Variants in TMEM163 observed in about 807,000 individuals in gnomAD.
TMEM163 encodes transmembrane protein 163.
A neutral mutation model predicts 29.3 loss-of-function variants in TMEM163; 17 were observed. The ratio of observed to expected loss-of-function variants is 0.58; its 90% CI spans 0.40 to 0.87. The LOEUF (loss-of-function observed/expected upper bound fraction) is 0.87. TMEM163 is among the 40% of genes least tolerant of loss of function. The pLI is 0.00. For missense variants in TMEM163, 303 were observed against 381.5 expected (o/e 0.79, Z 1.71); for synonymous variants, 157 against 160.6 (o/e 0.98, Z 0.17).
intron 2 of TMEM163, among the ~76,000 whole-genome samples, chr2:134,563,946 G>A (rs1681237177): frequency 6.6e-6 from 1 of 152,144 alleles, no homozygotes; most frequent in African/African-American, 2.4e-5. Flanking sequence ...CAGCTACTCG[G>A]GAGGCTGAGG....
At chr2:134,528,189 G>T (rs1226382829) in intron 4 of TMEM163, among the ~76,000 whole-genome samples, 1 of 152,120 alleles carries the variant, frequency 6.6e-6, no homozygotes, top group Non-Finnish European at 1.5e-5. Flanking sequence ...AAAAATCAGG[G>T]CAAACAGGAA....
intron 2 of TMEM163, among the ~76,000 whole-genome samples, chr2:134,659,343 C>G (rs1683696157): frequency 6.6e-6 from 1 of 152,150 alleles, no homozygotes; most frequent in Admixed American, 6.5e-5. Context: ...ATTAGGAAAA[C>G]AGGGTTTAAA....
At chr2:134,457,952 C>T in intron 7 of TMEM163, 80 bp downstream of exon 7, 1 of 1,597,368 alleles carries the variant, frequency 6.3e-7, no homozygotes, top group Non-Finnish European at 8.5e-7. Context: ...AGAAGCCTGT[C>T]ATTTCCTGAC....
chr2:134,538,203 C>T (rs989696765), intron 4 of TMEM163, among the ~76,000 whole-genome samples: 5 of 152,170 alleles, frequency 3.3e-5, no homozygotes. Flanking sequence ...GGCCAGAGCC[C>T]TCATGAATGG....
At chr2:134,661,250 C>T (rs565471723) in intron 2 of TMEM163, among the ~76,000 whole-genome samples, 38 of 152,292 alleles carry the variant, frequency 2.5e-4, no homozygotes, top group African/African-American at 8.7e-4. Context: ...AGAGGTCCTT[C>T]GCCAGATGCT....
intron 2 of TMEM163, among the ~76,000 whole-genome samples, chr2:134,671,881 GGAT>G: frequency 6.6e-6 from 1 of 152,138 alleles, no homozygotes; most frequent in East Asian, 1.9e-4. Flanking sequence ...CTGTAAAATG[GGAT>G]GATAAAAGCA....
At chr2:134,642,282 T>TC (rs1379798914) in intron 2 of TMEM163, among the ~76,000 whole-genome samples, 1 of 151,996 alleles carries the variant, frequency 6.6e-6, no homozygotes, top group African/African-American at 2.4e-5. Flanking sequence ...GCATGCACCA[T>TC]CATGCCCAGC....
chr2:134,648,969 T>C (rs1683402154), intron 2 of TMEM163, among the ~76,000 whole-genome samples: 1 of 152,186 alleles, frequency 6.6e-6, no homozygotes, highest in South Asian at 2.1e-4. Context: ...TAAGAAATCG[T>C]TATATATCCA....
At chr2:134,648,883 A>G (rs567757122) in intron 2 of TMEM163, among the ~76,000 whole-genome samples, 1 of 152,220 alleles carries the variant, frequency 6.6e-6, no homozygotes, top group Non-Finnish European at 1.5e-5. Flanking sequence ...AGAAGTAAAT[A>G]CTTCCCCAGG....
chr2:134,612,542 A>AACAC (rs3039625), intron 2 of TMEM163, among the ~76,000 whole-genome samples: 21,671 of 140,514 alleles, frequency 0.15, 2,541 homozygotes, highest in East Asian at 0.62. Flanking sequence ...GGTTTGCCCC[A>AACAC]ACACACACAC....
At chr2:134,658,966 A>G (rs1408376631) in intron 2 of TMEM163, among the ~76,000 whole-genome samples, 1 of 152,158 alleles carries the variant, frequency 6.6e-6, no homozygotes, top group Non-Finnish European at 1.5e-5. Context: ...TCTCTTAACA[A>G]CAGGGCTACA....
At chr2:134,588,095 T>C (rs1490148838) in intron 2 of TMEM163, among the ~76,000 whole-genome samples, 4 of 152,208 alleles carry the variant, frequency 2.6e-5, no homozygotes, top group African/African-American at 9.7e-5. Flanking sequence ...GGTCCTACAA[T>C]TGGCATTTTT....
rs1682928772 is a variant in TMEM163, at chr2:134,629,762, T to C, written c.323-77671A>G. Among the ~76,000 whole-genome samples, 2 of 152,234 alleles carry C rather than the reference T, an allele frequency of 1.3e-5. 1 individual carries two copies. The highest frequency in any genetic ancestry group is 1.3e-4 in the Admixed American group (2 of 15,288). On this transcript the variant is annotated intron_variant, in intron 2 of 7. Coordinates refer to ENST00000281924, the MANE Select transcript of TMEM163 (RefSeq NM_030923.5). ...TTAATTGCAGTTATATGCACAGGTT[T>C]CACATAAGAGTATAGCCTCATTAAT...
Position 134,585,514 on chromosome 2 carries a change from G to A in TMEM163, c.323-33423C>T, listed in dbSNP as rs553910502. Among the ~76,000 whole-genome samples the A allele has an allele frequency of 3.1e-4, 47 of 152,240 alleles. 1 individual carries two copies. The highest frequency in any genetic ancestry group is 6.0e-4 in the Non-Finnish European group (41 of 68,022). Reference sequence around the variant, plus strand: ...ATCCAGCACTTTGGGAGGCCGAGGCGGGCAGATTACGAGGTCAAGAGATAG... The same window carrying A: ...ATCCAGCACTTTGGGAGGCCGAGGCAGGCAGATTACGAGGTCAAGAGATAG... On this transcript the variant is annotated intron_variant, in intron 2 of 7. Transcript: ENST00000281924.
intron 5 of TMEM163, among the ~76,000 whole-genome samples, chr2:134,486,432 G>A (rs770277566): frequency 7.2e-5 from 11 of 152,112 alleles, no homozygotes; most frequent in Non-Finnish European, 1.2e-4. Context: ...CTTTGGGCAA[G>A]GTTGCTTGAG....
chr2:134,701,513 C>A (rs1558997180), intron 2 of TMEM163, among the ~76,000 whole-genome samples: 1 of 152,220 alleles, frequency 6.6e-6, no homozygotes, highest in Non-Finnish European at 1.5e-5. Context: ...CCCCAACTCT[C>A]CTATTGGATT....
At chr2:134,697,475 T>G (rs1389741332) in intron 2 of TMEM163, among the ~76,000 whole-genome samples, 1 of 151,330 alleles carries the variant, frequency 6.6e-6, no homozygotes, top group East Asian at 1.9e-4. Flanking sequence ...TTTTTTTTTT[T>G]TTTTTTGAGA....
intron 2 of TMEM163, among the ~76,000 whole-genome samples, chr2:134,648,130 C>A (rs1683377476): frequency 6.6e-6 from 1 of 152,120 alleles, no homozygotes. Context: ...ATGAAAGTGG[C>A]TCTCAGCAGG....
At chr2:134,554,447 A>AAG (rs1180474778) in intron 2 of TMEM163, among the ~76,000 whole-genome samples, 60 of 148,250 alleles carry the variant, frequency 4.0e-4, no homozygotes, top group African/African-American at 9.6e-4. Flanking sequence ...AAAAAAAAAA[A>AAG]AGAGAGAGAG....
Sources: gnomAD v4.1 joint callset for allele counts (sites outside exome capture counted in the v4.1 genomes callset) on GRCh38, gnomAD v4.1.1 for gene constraint, MANE v1.5 for transcripts, NCBI Gene and HGNC (gene_info 2026-07-23, HGNC 2026-07-21) for gene names.